The following SLC37A3 variants were observed in gnomAD, a reference collection of about 807,000 sequenced individuals.
SLC37A3 encodes the protein solute carrier family 37 member 3, also known as sugar phosphate exchanger 3.
Under a neutral mutation model 67.1 loss-of-function variants are expected in SLC37A3, and 51 were observed. The ratio of observed to expected loss-of-function variants is 0.76; its 90% CI spans 0.61 to 0.96. The LOEUF (loss-of-function observed/expected upper bound fraction) is 0.96, where lower values mean the gene tolerates loss of function less well. Among genes scored for constraint, SLC37A3 ranks in the 40% least tolerant of loss-of-function variants. The pLI, the probability that SLC37A3 is intolerant of heterozygous loss-of-function variation, is 0.00. For synonymous variants in SLC37A3, 214 were observed against 231.4 expected, an observed-to-expected ratio of 0.92 and a Z score of 0.68; for missense variants, 508 against 603.0, an observed-to-expected ratio of 0.84 and a Z score of 1.65.
chr7:140,343,049 TCCA>T (rs770014800), intron 13 of SLC37A3, among the ~76,000 whole-genome samples: 4 of 151,886 alleles, frequency 2.6e-5, no homozygotes, highest in Non-Finnish European at 5.9e-5. Flanking sequence ...AATGGTGGGG[TCCA>T]CATGCCAGGT....
intron 1 of SLC37A3, among the ~76,000 whole-genome samples, chr7:140,394,801 G>T (rs1798854599): frequency 6.6e-6 from 1 of 150,928 alleles, no homozygotes; most frequent in Non-Finnish European, 1.5e-5. Flanking sequence ...TAGAGACAGG[G>T]TTTCACCATA....
intron 6 of SLC37A3, among the ~76,000 whole-genome samples, chr7:140,356,469 G>A (rs2117106848): frequency 6.6e-6 from 1 of 152,092 alleles, no homozygotes; most frequent in East Asian, 1.9e-4. Context: ...GTCACTTGAG[G>A]TCAGGAGTTT....
intron 1 of SLC37A3, among the ~76,000 whole-genome samples, chr7:140,385,071 G>C (rs1424385099): frequency 6.6e-6 from 1 of 152,162 alleles, no homozygotes; most frequent in Non-Finnish European, 1.5e-5. Context: ...TAGCCCCTGG[G>C]ACAAGCCATG....
rs767750739 is a variant in SLC37A3 at position 140,345,210 on chromosome 7, C to T, written c.1174+6G>A. On this transcript the variant is annotated splice_donor_region_variant and intron_variant, in intron 12 of 14. Coordinates refer to ENST00000326232, the MANE Select transcript of SLC37A3 (RefSeq NM_207113.3). ...AAGCATGGTGGAGCAGAGCCATGTG[C>T]CGTACCTGTAACAGTCATCAGAAGG... is the stretch of plus-strand genomic sequence containing the variant. 2.0e-5 allele frequency: 32 copies of T among 1,612,406 alleles called. No homozygotes were observed. Among genetic ancestry groups the T allele is most frequent in the Non-Finnish European group, 1.4e-5 (17 of 1,178,642 alleles).
intron 6 of SLC37A3, among the ~76,000 whole-genome samples, chr7:140,356,067 G>A (rs964151382): frequency 2.0e-5 from 3 of 151,542 alleles, no homozygotes; most frequent in Admixed American, 6.6e-5. Flanking sequence ...GGTGGCAGGC[G>A]CCTGTAATCC....
At position 140,365,507 on chromosome 7, in the gene SLC37A3, G is replaced by A. The variant is rs571779708; in HGVS notation, c.292-1016C>T. 7.2e-5 allele frequency among the ~76,000 whole-genome samples: 11 copies of A among 152,196 alleles called. No individual in the cohort carries two copies. In the East Asian group the frequency reaches 1.4e-3, roughly 19 times the overall value. On this transcript the variant is annotated intron_variant, in intron 4 of 14. Coordinates refer to ENST00000326232, the MANE Select transcript of SLC37A3 (RefSeq NM_207113.3). ...AGGCCAAGGCAGGTGGATCACCTGA[G>A]GTGAAGAGTTCAAGACCAGCCTGAC...
chr7:140,336,872 G>A (rs1317040525), intron 14 of SLC37A3, among the ~76,000 whole-genome samples: 2 of 149,720 alleles, frequency 1.3e-5, no homozygotes, highest in Admixed American at 1.3e-4. Flanking sequence ...GCCGAGTCGG[G>A]TGGATCACCT....
intron 13 of SLC37A3, among the ~76,000 whole-genome samples, chr7:140,338,503 G>A (rs1487822682): frequency 3.9e-5 from 6 of 151,972 alleles, no homozygotes; most frequent in African/African-American, 9.7e-5. Context: ...ATGGAGTCTC[G>A]CTCTGTCACC....
intron 2 of SLC37A3, 56 bp downstream of exon 2, chr7:140,382,382 C>A: frequency 6.9e-7 from 1 of 1,452,368 alleles, no homozygotes. Context: ...CATGCAATAT[C>A]TCCCTCAAAA....
chr7:140,354,026 G>A (rs1172448070), intron 7 of SLC37A3, among the ~76,000 whole-genome samples: 1 of 152,152 alleles, frequency 6.6e-6, no homozygotes, highest in Admixed American at 6.6e-5. Context: ...GCACACTTTT[G>A]AGATTGCTGC....
chr7:140,380,888 C>A (rs557275916), intron 2 of SLC37A3, among the ~76,000 whole-genome samples: 132 of 82,194 alleles, frequency 1.6e-3, no homozygotes, highest in Non-Finnish European at 3.0e-3. Flanking sequence ...TTTTAGAATT[C>A]TTCTTCTTCT....
At chr7:140,348,124 G>C (rs1796640621) in intron 10 of SLC37A3, among the ~76,000 whole-genome samples, 1 of 152,178 alleles carries the variant, frequency 6.6e-6, no homozygotes, top group African/African-American at 2.4e-5. Flanking sequence ...GGTATTAAGA[G>C]TAACTGAAAC....
intron 2 of SLC37A3, among the ~76,000 whole-genome samples, chr7:140,381,191 C>T (rs1798237986): frequency 7.2e-6 from 1 of 139,834 alleles, no homozygotes; most frequent in Admixed American, 7.1e-5. Context: ...AGCCACCGTG[C>T]CTGGCCAAGA....
At chr7:140,350,134 TAAC>T (rs1177422029) in intron 9 of SLC37A3, among the ~76,000 whole-genome samples, 4 of 152,128 alleles carry the variant, frequency 2.6e-5, no homozygotes, top group Non-Finnish European at 5.9e-5. Flanking sequence ...ACAAATGAAA[TAAC>T]AACAGGTGCT....
chr7:140,395,205 G>A (rs1030277603), intron 1 of SLC37A3, among the ~76,000 whole-genome samples: 7 of 150,392 alleles, frequency 4.7e-5, no homozygotes, highest in African/African-American at 1.5e-4. Flanking sequence ...GTGAAACCCC[G>A]TCTCTACTAA....
At chr7:140,358,848 C>A in intron 5 of SLC37A3, 63 bp from the exon 6 acceptor site, 1 of 1,595,304 alleles carries the variant, frequency 6.3e-7, no homozygotes. Flanking sequence ...GTGGACGCCA[C>A]TCTACCCACT....
chr7:140,340,293 C>CTTTTT (rs35512830), intron 13 of SLC37A3, among the ~76,000 whole-genome samples: 3 of 141,912 alleles, frequency 2.1e-5, no homozygotes, highest in African/African-American at 5.3e-5. Context: ...CAACCTCATT[C>CTTTTT]TTTTTTTTTT....
chr7:140,377,520 T>C (rs1339657508), intron 3 of SLC37A3, among the ~76,000 whole-genome samples: 1 of 152,214 alleles, frequency 6.6e-6, no homozygotes, highest in Non-Finnish European at 1.5e-5. Context: ...ACATAGACTT[T>C]ATGTTATTAT....
intron 5 of SLC37A3, among the ~76,000 whole-genome samples, chr7:140,360,142 T>A (rs534235886): frequency 6.7e-4 from 102 of 151,458 alleles, no homozygotes; most frequent in Non-Finnish European, 1.3e-3. Flanking sequence ...AGGCCAGGAG[T>A]TCAAGGAACA....
Sources: allele counts gnomAD v4.1 joint callset (sites outside exome capture counted in the v4.1 genomes callset), GRCh38; gene constraint gnomAD v4.1.1; transcripts MANE v1.5; gene names NCBI Gene and HGNC (gene_info 2026-07-23, HGNC 2026-07-21).